ITM2A: variants seen among roughly 807,000 people sequenced by gnomAD.
ITM2A encodes integral membrane protein 2A, also known as BRICHOS domain containing 2A.
Under a neutral mutation model 16.6 loss-of-function variants are expected in ITM2A, and 11 were observed. The ratio of observed to expected loss-of-function variants is 0.66; its 90% CI spans 0.42 to 1.10. The LOEUF is 1.10. Among genes scored for constraint, ITM2A ranks in the 50% least tolerant of loss-of-function variants. The probability of loss-of-function intolerance (pLI) is 0.00; values close to 1 mark genes in which losing one functional copy is unlikely to be tolerated. For missense variants in ITM2A, 243 were observed against 206.8 expected (o/e 1.17, Z -1.07); for synonymous variants, 102 against 71.2 (o/e 1.43, Z -2.18).
intron 3 of ITM2A, 61 bp downstream of exon 3, chrX:79,362,881 G>A (rs1925470689): frequency 2.1e-5 from 19 of 917,865 alleles, no homozygotes; most frequent in Non-Finnish European, 2.8e-5. Flanking sequence ...TGCCAATGAA[G>A]TAAAAAAGAG....
At chrX:79,362,525 G>T in intron 4 of ITM2A, 56 bp downstream of exon 4, 2 of 583,980 alleles carry the variant, frequency 3.4e-6, no homozygotes, top group Non-Finnish European at 5.5e-6. Context: ...TAAAAAACAA[G>T]GAAGTAAAAT....
At chrX:79,364,170 T>C (rs938098344) in intron 1 of ITM2A, among the ~76,000 whole-genome samples, 1 of 111,983 alleles carries the variant, frequency 8.9e-6, no homozygotes, top group African/African-American at 3.2e-5. Context: ...AGGTAGGAGT[T>C]CTATAAGGTA....
rs144338492 is a variant in ITM2A at position 79,361,453 on chromosome X, A to G, written c.579T>C (p.Tyr193=). 8.3e-6 allele frequency: 10 copies of G among 1,204,437 alleles called. No individual in the cohort carries two copies. The African/African-American group carries it at 1.7e-4, about 21-fold the overall frequency. ...CAGCAACTAGGTCTTCTCGAACCAC[A>G]TAAGTTTGAGGCAGATATCTGCCAC... ...LASGRYLPQT[Y]VVREDLVAVE... Residue 193 remains tyrosine (Y), a synonymous_variant, in exon 5 of 6, where the codon TAT becomes TAC. Transcript: ENST00000373298.
intron 1 of ITM2A, among the ~76,000 whole-genome samples, chrX:79,366,589 C>T (rs905489371): frequency 1.8e-4 from 20 of 111,457 alleles, no homozygotes; most frequent in African/African-American, 5.9e-4. Context: ...TAAAAGTGCC[C>T]TTTGCTGCTC....
At chrX:79,361,910 G>A (rs371927140) in intron 4 of ITM2A, among the ~76,000 whole-genome samples, 5 of 104,536 alleles carry the variant, frequency 4.8e-5, no homozygotes, top group African/African-American at 1.8e-4. Flanking sequence ...TGTATGTATC[G>A]CATTTTCTTT....
intron 1 of ITM2A, 40 bp from the exon 2 acceptor site, chrX:79,363,594 G>T (rs770197770): frequency 2.3e-5 from 25 of 1,075,954 alleles, no homozygotes; most frequent in Admixed American, 2.7e-5. Context: ...AAACCAGATT[G>T]TACTTTTAGA....
chrX:79,362,506 T>A, intron 4 of ITM2A, 75 bp downstream of exon 4: 1 of 541,544 alleles, frequency 1.8e-6, no homozygotes, highest in South Asian at 3.8e-5. Flanking sequence ...GACAAATTCA[T>A]TATTTTTTTA....
At chrX:79,366,452 C>T (rs1477056384) in intron 1 of ITM2A, among the ~76,000 whole-genome samples, 2 of 111,308 alleles carry the variant, frequency 1.8e-5, no homozygotes, top group East Asian at 5.6e-4. Context: ...CCAACACTGG[C>T]ATTAAGATCC....
chrX:79,363,079 G>T lies in ITM2A; in HGVS notation c.304C>A (p.Arg102Ser). 1 of 1,209,399 alleles carries T rather than the reference G, an allele frequency of 8.3e-7. No individual in the cohort carries two copies. Residue 102 changes from arginine to serine, a missense_variant, in exon 3 of 6, where the codon CGT becomes AGT. Physicochemically the swap from Arg to Ser is moderately radical, Grantham distance 110. Coordinates refer to ENST00000373298, the MANE Select transcript of ITM2A (RefSeq NM_004867.5). The stretch of plus-strand genomic sequence containing the variant: ...GGCAGGAAGTTAGGCTCTCCTCCAC[G>T]AAGGGAATTTGCAGGATCCTCAGAA... ...FDSEDPANSL[R>S]GGEPNFLPVT...
At position 79,362,826 on chromosome X, in the gene ITM2A, G is replaced by T. The variant is rs953113809; in HGVS notation, c.441+116C>A. 8.7e-6 allele frequency: 6 copies of T among 688,635 alleles called. No individual in the cohort carries two copies. The African/African-American group carries it at 1.3e-4, about 15-fold the overall frequency. The allele number at this position is 688,635 out of a possible 1,213,427, so 56.8% of individuals were successfully genotyped here. A position where few individuals can be genotyped will look rare whatever the true frequency, so the allele number is the denominator to read the frequency against. ...GTATTCAACAACAAAAGAATGAAAAGGCTTTGCCTCAAAAACATGTGCATT... is the reference window on the plus strand; with the variant it reads ...GTATTCAACAACAAAAGAATGAAAATGCTTTGCCTCAAAAACATGTGCATT... On this transcript the variant is annotated intron_variant, in intron 3 of 5. Transcript: ENST00000373298.
rs780824997 is a variant in ITM2A at position 79,362,658 on chromosome X, T to C, written c.475A>G (p.Asn159Asp). ...MTAYLDLLLG[N>D]CYLMPLNTSI... Reference sequence around the variant, plus strand: ...GTATTGAGGGGCATCAGATAGCAGTTCCCCAGCAACAAGTCCAGGTAAGCA... The same window carrying C: ...GTATTGAGGGGCATCAGATAGCAGTCCCCCAGCAACAAGTCCAGGTAAGCA... The change falls in exon 4 of 6, where the codon AAC becomes GAC. Residue 159 changes from asparagine (N) to aspartate (D), a missense_variant. Coordinates refer to ENST00000373298, the MANE Select transcript of ITM2A (RefSeq NM_004867.5). The C allele has an allele frequency of 1.6e-5, 19 of 1,204,312 alleles. No individual in the cohort carries two copies. The South Asian group carries it at 3.2e-4, about 20-fold the overall frequency.
chrX:79,362,814 A>G (rs1925468520), intron 3 of ITM2A, 123 bp from the exon 4 acceptor site: 1 of 677,182 alleles, frequency 1.5e-6, no homozygotes, highest in Non-Finnish European at 2.3e-6. Flanking sequence ...TTCAACAACA[A>G]AAGAATGAAA....
chrX:79,365,692 G>A (rs1925552311), intron 1 of ITM2A, among the ~76,000 whole-genome samples: 1 of 109,903 alleles, frequency 9.1e-6, no homozygotes, highest in African/African-American at 3.3e-5. Flanking sequence ...TTACTGTGTG[G>A]CTATATTTAA....
In ITM2A at chrX:79,362,973, T is replaced by C; in HGVS notation, c.410A>G (p.Asp137Gly). 1 of 1,205,848 alleles carries C rather than the reference T, an allele frequency of 8.3e-7. No homozygotes were observed. The highest frequency in any genetic ancestry group is 1.1e-6 in the Non-Finnish European group (1 of 890,614). ...DVPVPSFSDS[D>G]PAAIIHDFEK... ...AAAGTCATGAATAATTGCTGCAGGG[T>C]CACTATCAGAGAAACTGGGGACAGG... Residue 137 changes from aspartate (D) to glycine (G), a missense_variant, in exon 3 of 6, where the codon GAC becomes GGC. Coordinates refer to ENST00000373298, the MANE Select transcript of ITM2A (RefSeq NM_004867.5).
rs1925397368 is a variant in ITM2A, at chrX:79,360,982, G to T, written c.*107C>A. The T allele has an allele frequency of 8.1e-6, 3 of 371,422 alleles. No individual in the cohort carries two copies. Among genetic ancestry groups the T allele is most frequent in the Non-Finnish European group, 1.4e-5 (3 of 221,607 alleles). The allele number at this position is 371,422 out of a possible 1,213,427, so 30.6% of individuals were successfully genotyped here. Reference sequence around the variant, plus strand: ...TCCTTTTTTTAAAGCATAAGCAATAGAGTAAATGCATGAGTAAATATCTTG... The same window carrying T: ...TCCTTTTTTTAAAGCATAAGCAATATAGTAAATGCATGAGTAAATATCTTG... On this transcript the variant is annotated 3_prime_UTR_variant, in exon 6 of 6. Coordinates refer to ENST00000373298, the MANE Select transcript of ITM2A (RefSeq NM_004867.5).
At chrX:79,366,261 A>G (rs1163622940) in intron 1 of ITM2A, among the ~76,000 whole-genome samples, 1 of 111,770 alleles carries the variant, frequency 8.9e-6, no homozygotes. Context: ...TTTAAATTAC[A>G]ACACTGGACC....
intron 1 of ITM2A, 23 bp downstream of exon 1, chrX:79,367,082 C>G (rs1446359327): frequency 9.3e-7 from 1 of 1,074,111 alleles, no homozygotes; most frequent in African/African-American, 1.8e-5. Flanking sequence ...CACCCCTCCC[C>G]CATCCCGCCC....
At chrX:79,361,270 C>T (rs556988759) in intron 5 of ITM2A, 59 bp downstream of exon 5, 2 of 1,123,189 alleles carry the variant, frequency 1.8e-6, no homozygotes, top group African/African-American at 1.8e-5. Flanking sequence ...CTGTATTCTA[C>T]CTCCACTTTC....
Position 79,363,113 on chromosome X carries a change from G to C in ITM2A, c.270C>G (p.Cys90Trp), listed in dbSNP as rs1431852663. 4 of 1,205,660 alleles carry C rather than the reference G, an allele frequency of 3.3e-6. No homozygotes were observed. The highest frequency in any genetic ancestry group is 3.5e-5 in the African/African-American group (2 of 56,896). Residue 90 changes from cysteine (C) to tryptophan (W), a missense_variant, in exon 3 of 6, where the codon TGC becomes TGG. Cys to Trp is a radical substitution (Grantham distance 215). Coordinates refer to ENST00000373298, the MANE Select transcript of ITM2A (RefSeq NM_004867.5). ...PKSTIYRGEM[C>W]FFDSEDPANS... ...TTGCAGGATCCTCAGAATCAAAAAA[G>C]CACATCTCTCCACGGTAAATGGTGC...
Sources: allele counts gnomAD v4.1 joint callset (sites outside exome capture counted in the v4.1 genomes callset), GRCh38; gene constraint gnomAD v4.1.1; transcripts MANE v1.5; gene names NCBI Gene and HGNC (gene_info 2026-07-23, HGNC 2026-07-21).